TLN2: variants seen among roughly 807,000 people sequenced by gnomAD.
TLN2 encodes talin 2.
TLN2 carries 118 observed loss-of-function variants against 294.7 expected under a neutral mutation model. That is an observed-to-expected ratio of 0.40 (90% CI 0.34 to 0.47). TLN2 has a LOEUF of 0.47. Among genes scored for constraint, TLN2 ranks in the 20% least tolerant of loss-of-function variants. TLN2 has a pLI of 0.84. For synonymous variants in TLN2, 1,431 were observed against 1,304.5 expected (o/e 1.10, Z -2.09); for missense variants, 3,083 against 3,282.2 (o/e 0.94, Z 1.48).
At chr15:62,679,422 T>C (rs983327541) in intron 11 of TLN2, among the ~76,000 whole-genome samples, 1 of 132,024 alleles carries the variant, frequency 7.6e-6, no homozygotes, top group Non-Finnish European at 1.8e-5. Flanking sequence ...CAATGCAATA[T>C]CATTCAGCCA....
At chr15:62,663,351 T>C (rs751037672) in intron 9 of TLN2, among the ~76,000 whole-genome samples, 3 of 150,832 alleles carry the variant, frequency 2.0e-5, no homozygotes, top group Non-Finnish European at 4.4e-5. Flanking sequence ...TGATAATTAA[T>C]AGTTTAATAT....
intron 1 of TLN2, among the ~76,000 whole-genome samples, chr15:62,513,976 C>G (rs1423670206): frequency 1.3e-5 from 2 of 152,196 alleles, no homozygotes; most frequent in African/African-American, 4.8e-5. Flanking sequence ...CCCCTCCGCC[C>G]TCTACTAACC....
chr15:62,719,239 T>C (rs970021754), intron 24 of TLN2, among the ~76,000 whole-genome samples: 1 of 152,202 alleles, frequency 6.6e-6, no homozygotes, highest in Non-Finnish European at 1.5e-5. Flanking sequence ...TCCCCTGGCT[T>C]TGGGCTTTCC....
intron 9 of TLN2, among the ~76,000 whole-genome samples, chr15:62,664,506 A>T (rs555220548): frequency 6.6e-6 from 1 of 152,152 alleles, no homozygotes; most frequent in Admixed American, 6.5e-5. Flanking sequence ...CGGATGTATT[A>T]TTCTTTATAG....
chr15:62,514,684 T>C (rs144253670), intron 1 of TLN2, among the ~76,000 whole-genome samples: 3 of 152,222 alleles, frequency 2.0e-5, no homozygotes, highest in Non-Finnish European at 2.9e-5. Flanking sequence ...CAGGTTGTAA[T>C]TGTAATTGAA....
At chr15:62,673,540 A>G (rs1258261589) in intron 9 of TLN2, among the ~76,000 whole-genome samples, 3 of 131,430 alleles carry the variant, frequency 2.3e-5, no homozygotes, top group Non-Finnish European at 3.2e-5. Context: ...CTTACAAAAG[A>G]TAGCATACTA....
At chr15:62,478,056 C>T (rs2037879814) in intron 1 of TLN2, among the ~76,000 whole-genome samples, 1 of 152,204 alleles carries the variant, frequency 6.6e-6, no homozygotes, top group Non-Finnish European at 1.5e-5. Context: ...ACAGCATTCT[C>T]GGAGTACTTC....
At chr15:62,458,432 T>C (rs2036606236) in intron 1 of TLN2, among the ~76,000 whole-genome samples, 1 of 152,048 alleles carries the variant, frequency 6.6e-6, no homozygotes, top group African/African-American at 2.4e-5. Context: ...GATGGCACAT[T>C]GATTACTTGT....
chr15:62,771,824 C>G (rs186221638), intron 42 of TLN2, among the ~76,000 whole-genome samples: 2 of 152,334 alleles, frequency 1.3e-5, no homozygotes, highest in African/African-American at 4.8e-5. Flanking sequence ...CAGGTCTCTT[C>G]CACATTGCGG....
intron 1 of TLN2, among the ~76,000 whole-genome samples, chr15:62,580,083 G>A (rs969346997): frequency 5.3e-5 from 8 of 152,114 alleles, no homozygotes; most frequent in African/African-American, 1.7e-4. Flanking sequence ...GCCTGCAGTG[G>A]GGAGATCTCC....
intron 50 of TLN2, among the ~76,000 whole-genome samples, chr15:62,802,787 T>G (rs2066021887): frequency 2.6e-5 from 4 of 152,246 alleles, no homozygotes. Context: ...GGTGAAATGA[T>G]ATCACATTGT....
chr15:62,391,503 C>G (rs1021869758), intron 1 of TLN2, among the ~76,000 whole-genome samples: 3 of 152,206 alleles, frequency 2.0e-5, no homozygotes, highest in Non-Finnish European at 4.4e-5. Flanking sequence ...CCTGAGGGGA[C>G]CGAGGAACGA....
In TLN2 at chr15:62,741,998, C is replaced by T. The variant is rs903884622; in HGVS notation, c.4025+1229C>T. Among the ~76,000 whole-genome samples, 6 of 4,390 alleles carry T rather than the reference C, an allele frequency of 1.4e-3. 1 individual carries two copies. Among genetic ancestry groups the T allele is most frequent in the Non-Finnish European group, 0.014 (2 of 142 alleles). The allele number at this position is 4,390 out of a possible 152,430, so 2.9% of individuals were successfully genotyped here. A position where few individuals can be genotyped will look rare whatever the true frequency, so the allele number is the denominator to read the frequency against. On this transcript the variant is annotated intron_variant, in intron 32 of 58. Transcript: ENST00000636159. ...CATGGTACTCATGGTCCAAACATGT[C>T]CTTCCTCCCTCTTGGCTTGTAGTGG...
At chr15:62,755,833 A>G in intron 37 of TLN2, 140 bp downstream of exon 37, 1 of 1,168,786 alleles carries the variant, frequency 8.6e-7, no homozygotes, top group Non-Finnish European at 1.2e-6. Flanking sequence ...TGTGTCACTG[A>G]ATAGGCATCC....
chr15:62,466,022 A>G (rs1199869399), intron 1 of TLN2, among the ~76,000 whole-genome samples: 1 of 152,212 alleles, frequency 6.6e-6, no homozygotes, highest in Non-Finnish European at 1.5e-5. Flanking sequence ...AGTTGCTTTT[A>G]GCATTGCTCC....
At chr15:62,660,977 A>G (rs2053753522) in intron 9 of TLN2, among the ~76,000 whole-genome samples, 1 of 152,092 alleles carries the variant, frequency 6.6e-6, no homozygotes, top group African/African-American at 2.4e-5. Flanking sequence ...ACTACTATGG[A>G]TTGTTTCTAA....
At chr15:62,697,974 C>T (rs2058467899) in intron 15 of TLN2, 106 bp downstream of exon 15, 8 of 1,359,644 alleles carry the variant, frequency 5.9e-6, no homozygotes, top group Non-Finnish European at 7.9e-6. Context: ...CTCTCTATTT[C>T]CCGGCTGAAC....
At chr15:62,626,960 A>T (rs2049339621) in intron 3 of TLN2, among the ~76,000 whole-genome samples, 1 of 152,196 alleles carries the variant, frequency 6.6e-6, no homozygotes, top group Non-Finnish European at 1.5e-5. Context: ...CTCTTGGCAG[A>T]TATCCAGTTA....
intron 2 of TLN2, among the ~76,000 whole-genome samples, chr15:62,594,062 A>T (rs1419233025): frequency 6.6e-6 from 1 of 152,264 alleles, no homozygotes; most frequent in African/African-American, 2.4e-5. Context: ...TGGAGGCATT[A>T]TACTACCTTA....
Sources: gnomAD v4.1 joint callset for allele counts (sites outside exome capture counted in the v4.1 genomes callset) on GRCh38, gnomAD v4.1.1 for gene constraint, MANE v1.5 for transcripts, NCBI Gene and HGNC (gene_info 2026-07-23, HGNC 2026-07-21) for gene names.